Variants in ASXL3 observed in about 807,000 individuals in gnomAD.
ASXL3 encodes the protein putative Polycomb group protein ASXL3.
In ASXL3, 34 loss-of-function variants were observed where a neutral mutation model predicts 170.6. That is an observed-to-expected ratio of 0.20 (90% CI 0.15 to 0.27). The LOEUF is 0.27. ASXL3 is among the 10% of genes least tolerant of loss of function. The pLI is 1.00. For missense variants in ASXL3, 2,592 were observed against 2,695.3 expected (o/e 0.96, Z 0.85); for synonymous variants, 1,002 against 989.1 (o/e 1.01, Z -0.24).
intron 1 of ASXL3, 104 bp from the exon 2 acceptor site, chr18:33,607,490 C>G (rs2065267596): frequency 5.4e-6 from 5 of 926,816 alleles, no homozygotes; most frequent in Non-Finnish European, 8.4e-6. Context: ...GATGTAAAAG[C>G]CCCTTCCCCT....
intron 10 of ASXL3, among the ~76,000 whole-genome samples, chr18:33,736,161 C>A (rs141702098): frequency 6.6e-6 from 1 of 152,078 alleles, no homozygotes; most frequent in East Asian, 1.9e-4. Flanking sequence ...TCCTGCAAAT[C>A]CTTCTCAGAA....
In ASXL3 at chr18:33,744,844, C is replaced by T. The variant is rs2067745369; in HGVS notation, c.4996C>T (p.Leu1666Phe). 15 of 1,613,904 alleles carry T rather than the reference C, an allele frequency of 9.3e-6. No homozygotes were observed. The highest frequency in any genetic ancestry group is 1.3e-5 in the Non-Finnish European group (15 of 1,179,890). Residue 1666 changes from leucine to phenylalanine, a missense_variant, in exon 12 of 12, where the codon CTT (leucine) becomes TTT (phenylalanine). Physicochemically the swap from Leu to Phe is conservative, Grantham distance 22. This residue lies in a region of ASXL3 where 2,246 missense variants were observed against 2,219.6 expected (regional missense o/e 1.01). Transcript: ENST00000269197. Reference protein sequence around the residue: ...HPRNLVTNVALPVKSELHEAD... With the variant: ...HPRNLVTNVAFPVKSELHEAD... ...CAGGAATCTTGTAACAAATGTTGCT[C>T]TTCCTGTGAAATCTGAACTTCACGA... is the stretch of plus-strand genomic sequence containing the variant.
intron 4 of ASXL3, among the ~76,000 whole-genome samples, chr18:33,659,734 T>G (rs943260840): frequency 3.1e-4 from 47 of 152,122 alleles, no homozygotes; most frequent in African/African-American, 1.0e-3. Context: ...GGAAGCATAG[T>G]TTATGTGATC....
rs2067830535 is a variant in ASXL3 at position 33,748,323 on chromosome 18, G to GT, written c.*1729dup. On this transcript the variant is annotated 3_prime_UTR_variant, in exon 12 of 12. Transcript: ENST00000269197. ...AACTATATAATATGTTTTTTTCTCC[G>GT]TATTTATTGTGATGTTGCCAAATTT... The GT allele has an allele frequency of 6.6e-6, 1 of 151,974 alleles. No homozygotes were observed. The highest frequency in any genetic ancestry group is 1.5e-5 in the Non-Finnish European group (1 of 67,992). 9.4% of individuals were successfully genotyped at this position (151,974 alleles called of 1,614,324 possible). A position where few individuals can be genotyped will look rare whatever the true frequency, so the allele number is the denominator to read the frequency against.
chr18:33,599,393 A>G (rs1211666631), intron 1 of ASXL3, among the ~76,000 whole-genome samples: 2 of 152,158 alleles, frequency 1.3e-5, no homozygotes, highest in Non-Finnish European at 2.9e-5. Context: ...ATGTATAGAT[A>G]AAGTATATAG....
intron 11 of ASXL3, 36 bp downstream of exon 11, chr18:33,740,479 A>C (rs752560224): frequency 1.4e-6 from 2 of 1,480,500 alleles, no homozygotes; most frequent in African/African-American, 2.8e-5. Flanking sequence ...AATTCCGTAG[A>C]TAGGCTTTTC....
intron 7 of ASXL3, among the ~76,000 whole-genome samples, chr18:33,675,453 G>A (rs193222068): frequency 2.0e-5 from 3 of 152,246 alleles, no homozygotes; most frequent in East Asian, 3.9e-4. Flanking sequence ...GTATGTATAA[G>A]TCCTAACCTG....
intron 1 of ASXL3, among the ~76,000 whole-genome samples, chr18:33,600,704 A>G (rs1175404260): frequency 6.6e-6 from 1 of 152,158 alleles, no homozygotes; most frequent in Non-Finnish European, 1.5e-5. Context: ...CCTGCAGGAA[A>G]TTAGGATTCA....
intron 2 of ASXL3, among the ~76,000 whole-genome samples, chr18:33,617,951 C>A (rs2065452980): frequency 6.6e-6 from 1 of 152,040 alleles, no homozygotes; most frequent in Non-Finnish European, 1.5e-5. Context: ...CTCTTCTCTT[C>A]CTCTCTTATT....
chr18:33,688,026 A>G (rs2066625499), intron 8 of ASXL3, among the ~76,000 whole-genome samples: 1 of 152,198 alleles, frequency 6.6e-6, no homozygotes, highest in South Asian at 2.1e-4. Flanking sequence ...TAGGATGGCT[A>G]CCCGAATCAA....
At chr18:33,690,807 C>T (rs528980077) in intron 8 of ASXL3, among the ~76,000 whole-genome samples, 60 of 152,294 alleles carry the variant, frequency 3.9e-4, no homozygotes, top group African/African-American at 1.3e-3. Flanking sequence ...TCATCACACA[C>T]AGGCTGTGAC....
At chr18:33,587,598 G>T (rs551699542) in intron 1 of ASXL3, among the ~76,000 whole-genome samples, 1 of 152,094 alleles carries the variant, frequency 6.6e-6, no homozygotes, top group Non-Finnish European at 1.5e-5. Context: ...GTAAAAGTTA[G>T]AAAATAAAAG....
chr18:33,699,480 T>G (rs1247884838), intron 8 of ASXL3, among the ~76,000 whole-genome samples: 1 of 152,126 alleles, frequency 6.6e-6, no homozygotes, highest in East Asian at 1.9e-4. Flanking sequence ...TGATAGAGAT[T>G]ATTGAGTATT....
chr18:33,723,602 G>A (rs1376442891), intron 8 of ASXL3, among the ~76,000 whole-genome samples: 1 of 152,188 alleles, frequency 6.6e-6, no homozygotes, highest in Non-Finnish European at 1.5e-5. Context: ...TCTGGGTTAA[G>A]ATAGCTGTGA....
At chr18:33,634,991 C>T (rs1215818019) in intron 2 of ASXL3, among the ~76,000 whole-genome samples, 1 of 152,002 alleles carries the variant, frequency 6.6e-6, no homozygotes, top group East Asian at 1.9e-4. Flanking sequence ...TTGTGGACTG[C>T]AGAGGTGATT....
rs2067866412 is a variant in ASXL3 at position 33,750,430 on chromosome 18, G to A, written c.*3835G>A. On this transcript the variant is annotated 3_prime_UTR_variant, in exon 12 of 12. Transcript: ENST00000269197. The stretch of plus-strand genomic sequence containing the variant: ...TGTTGTATTTGTACTGTTCTTGAAT[G>A]TTTCAAAGAAAGTGCTTTACTTGGT... 1 of 151,996 alleles carries A rather than the reference G, an allele frequency of 6.6e-6. No homozygotes were observed. The allele number at this position is 151,996 out of a possible 1,614,324, so 9.4% of individuals were successfully genotyped here.
At chr18:33,625,225 C>G (rs4799351) in intron 2 of ASXL3, among the ~76,000 whole-genome samples, 14,292 of 152,170 alleles carry the variant, frequency 0.094, 915 homozygotes, top group African/African-American at 0.18. Flanking sequence ...GGTAGCATAT[C>G]TCACTCGTTT....
At chr18:33,581,991 C>T (rs919160337) in intron 1 of ASXL3, among the ~76,000 whole-genome samples, 2 of 152,150 alleles carry the variant, frequency 1.3e-5, no homozygotes, top group Non-Finnish European at 2.9e-5. Context: ...TAGCCTCCTC[C>T]CCTCCCCCAC....
chr18:33,666,331 C>A (rs539186457), intron 5 of ASXL3, among the ~76,000 whole-genome samples: 5 of 152,168 alleles, frequency 3.3e-5, no homozygotes, highest in African/African-American at 1.2e-4. Flanking sequence ...TATGTAATAT[C>A]TGTCAAAATA....
Sources: allele counts gnomAD v4.1 joint callset (sites outside exome capture counted in the v4.1 genomes callset), GRCh38; gene constraint gnomAD v4.1.1; regional missense constraint gnomAD v4.1.1; transcripts MANE v1.5; gene names NCBI Gene and HGNC (gene_info 2026-07-23, HGNC 2026-07-21).